Variants in KIAA1549 observed in about 807,000 individuals in gnomAD.
The protein encoded by KIAA1549 is UPF0606 protein KIAA1549.
KIAA1549 carries 70 observed loss-of-function variants against 156.4 expected under a neutral mutation model. The observed-to-expected ratio is 0.45, with a 90% CI of 0.37 to 0.55. The LOEUF is 0.55. KIAA1549 is among the 20% of genes least tolerant of loss of function. The probability of loss-of-function intolerance (pLI) is 0.00; values close to 1 mark genes in which losing one functional copy is unlikely to be tolerated. For missense variants in KIAA1549, 2,428 were observed against 2,540.9 expected, an observed-to-expected ratio of 0.96 and a Z score of 0.96; for synonymous variants, 1,103 against 1,066.4, an observed-to-expected ratio of 1.03 and a Z score of -0.67.
intron 8 of KIAA1549, among the ~76,000 whole-genome samples, chr7:138,901,791 T>C (rs573368757): frequency 1.3e-5 from 2 of 152,372 alleles, no homozygotes; most frequent in South Asian, 2.1e-4. Flanking sequence ...TAAACAGCCA[T>C]GTAACACTGT....
chr7:138,887,242 T>G (rs907507520), intron 10 of KIAA1549, among the ~76,000 whole-genome samples: 5 of 152,092 alleles, frequency 3.3e-5, no homozygotes, highest in South Asian at 2.1e-4. Context: ...TAAAGTAAAT[T>G]TATTAAGCAC....
At chr7:138,897,022 C>T (rs749243046) in intron 9 of KIAA1549, among the ~76,000 whole-genome samples, 10 of 152,124 alleles carry the variant, frequency 6.6e-5, no homozygotes, top group African/African-American at 2.4e-4. Context: ...TTCCTTCAAT[C>T]GCCATCCCTG....
At chr7:138,908,843 T>C (rs1422878958) in intron 5 of KIAA1549, 148 bp downstream of exon 5, 6 of 913,256 alleles carry the variant, frequency 6.6e-6, no homozygotes, top group Admixed American at 5.4e-5. Flanking sequence ...ATGCCGACCT[T>C]ACGCCACAGG....
chr7:138,979,775 T>C (rs1346452069), intron 1 of KIAA1549, among the ~76,000 whole-genome samples: 2 of 152,234 alleles, frequency 1.3e-5, no homozygotes, highest in African/African-American at 4.8e-5. Flanking sequence ...AGACTCATTC[T>C]GTCACCCCAA....
chr7:138,905,123 A>G, intron 6 of KIAA1549, 42 bp from the exon 7 acceptor site: 1 of 1,336,318 alleles, frequency 7.5e-7, no homozygotes, highest in Non-Finnish European at 1.1e-6. Flanking sequence ...AAATATCTGT[A>G]AAAACAAAGC....
At chr7:138,933,188 C>G (rs1189885933) in intron 1 of KIAA1549, among the ~76,000 whole-genome samples, 1 of 152,082 alleles carries the variant, frequency 6.6e-6, no homozygotes, top group Non-Finnish European at 1.5e-5. Context: ...CTGCATGAGG[C>G]AGGGAAGGGA....
intron 14 of KIAA1549, among the ~76,000 whole-genome samples, chr7:138,868,419 T>C (rs1278714895): frequency 6.6e-6 from 1 of 152,082 alleles, no homozygotes; most frequent in Non-Finnish European, 1.5e-5. Flanking sequence ...TAGAACTAGG[T>C]CTTTTTTATT....
chr7:138,894,162 C>T (rs1389558462), intron 10 of KIAA1549, among the ~76,000 whole-genome samples, 180 bp downstream of exon 10: 5 of 152,168 alleles, frequency 3.3e-5, no homozygotes, highest in Non-Finnish European at 7.3e-5. Context: ...TATTTACTAC[C>T]ACAGAAGGAG....
chr7:138,913,411 C>A (rs772280250), intron 2 of KIAA1549, among the ~76,000 whole-genome samples: 1 of 152,100 alleles, frequency 6.6e-6, no homozygotes, highest in Non-Finnish European at 1.5e-5. Flanking sequence ...TTTAAAAGTT[C>A]CATTTAAAAA....
intron 10 of KIAA1549, among the ~76,000 whole-genome samples, chr7:138,891,603 A>G (rs10276654): frequency 0.038 from 5,816 of 152,312 alleles, 397 homozygotes; most frequent in African/African-American, 0.13. Context: ...ACTCCCAGAC[A>G]ATCTGAAGAG....
At chr7:138,967,619 A>T (rs1814069765) in intron 1 of KIAA1549, among the ~76,000 whole-genome samples, 1 of 152,192 alleles carries the variant, frequency 6.6e-6, no homozygotes, top group Admixed American at 6.5e-5. Flanking sequence ...CCCAGGCTGA[A>T]AACTCCAACC....
chr7:138,857,678 T>C (rs1362193418), intron 16 of KIAA1549, among the ~76,000 whole-genome samples: 1 of 152,250 alleles, frequency 6.6e-6, no homozygotes, highest in Non-Finnish European at 1.5e-5. Context: ...ACTATGCACA[T>C]AAACACGTAA....
intron 19 of KIAA1549, 68 bp from the exon 20 acceptor site, chr7:138,838,228 G>T: frequency 7.0e-7 from 1 of 1,431,074 alleles, no homozygotes; most frequent in Non-Finnish European, 9.1e-7. Flanking sequence ...ATGCAAACTG[G>T]CTTTAGGAAG....
chr7:138,958,054 A>G (rs1334167988), intron 1 of KIAA1549, among the ~76,000 whole-genome samples: 2 of 152,158 alleles, frequency 1.3e-5, no homozygotes, highest in African/African-American at 4.8e-5. Flanking sequence ...TCCTTTGACA[A>G]CGTCTGTGAA....
At position 138,919,237 on chromosome 7, in the gene KIAA1549, T is replaced by G; in HGVS notation, c.389A>C (p.Lys130Thr). 1 of 1,613,994 alleles carries G rather than the reference T, an allele frequency of 6.2e-7. No individual in the cohort carries two copies. Among genetic ancestry groups the G allele is most frequent in the Non-Finnish European group, 8.5e-7 (1 of 1,179,880 alleles). The change falls in exon 2 of 20, where the codon AAA becomes ACA. Residue 130 changes from lysine (K) to threonine (T), a missense_variant. Physicochemically the swap from Lys to Thr is moderately conservative, Grantham distance 78. This residue lies in a region of KIAA1549 where 893 missense variants were observed against 847.9 expected (regional missense o/e 1.05). Transcript: ENST00000422774. ...TAFFNQGKQT[K>T]STADPSIFVA... is the part of the protein sequence containing the mutation. ...AAAGATGCTGGGATCTGCTGTACTTTTGGTCTGTTTTCCTTGGTTAAAAAA... is the reference window on the plus strand; with the variant it reads ...AAAGATGCTGGGATCTGCTGTACTTGTGGTCTGTTTTCCTTGGTTAAAAAA...
At chr7:138,969,559 C>T (rs552000137) in intron 1 of KIAA1549, among the ~76,000 whole-genome samples, 1 of 152,070 alleles carries the variant, frequency 6.6e-6, no homozygotes, top group South Asian at 2.1e-4. Context: ...ATAGTTGGTA[C>T]GTATATTTAT....
chr7:138,963,270 G>A (rs970422281), intron 1 of KIAA1549, among the ~76,000 whole-genome samples: 1 of 152,242 alleles, frequency 6.6e-6, no homozygotes, highest in African/African-American at 2.4e-5. Context: ...CAGACAAGAT[G>A]CAAAAGGTGC....
chr7:138,945,938 T>G (rs994224083), intron 1 of KIAA1549, among the ~76,000 whole-genome samples: 4 of 152,072 alleles, frequency 2.6e-5, no homozygotes, highest in Non-Finnish European at 5.9e-5. Flanking sequence ...CAAAATAGAA[T>G]GTCCACAATT....
chr7:138,915,779 C>T (rs1366843220), intron 2 of KIAA1549, among the ~76,000 whole-genome samples: 1 of 152,332 alleles, frequency 6.6e-6, no homozygotes, highest in Non-Finnish European at 1.5e-5. Flanking sequence ...ACAGGCTGCT[C>T]GTCACCACCA....
Sources: allele counts gnomAD v4.1 joint callset (sites outside exome capture counted in the v4.1 genomes callset), GRCh38; gene constraint gnomAD v4.1.1; regional missense constraint gnomAD v4.1.1; transcripts MANE v1.5; gene names NCBI Gene and HGNC (gene_info 2026-07-23, HGNC 2026-07-21).